The following CHODL variants were observed in gnomAD, a reference collection of about 807,000 sequenced individuals.
The protein encoded by CHODL is transmembrane protein MT75.
Under a neutral mutation model 34.5 loss-of-function variants are expected in CHODL, and 29 were observed. The ratio of observed to expected loss-of-function variants is 0.84; its 90% CI spans 0.63 to 1.15. The LOEUF is 1.15. Ranked by LOEUF, CHODL falls within the 50% of genes most tolerant of loss-of-function variation. The pLI is 0.00. For missense variants in CHODL, 332 were observed against 332.5 expected (o/e 1.00, Z 0.01); for synonymous variants, 125 against 116.1 (o/e 1.08, Z -0.49).
chr21:18,021,146 G>A (rs370300051), intron 1 of CHODL, among the ~76,000 whole-genome samples: 2 of 152,204 alleles, frequency 1.3e-5, no homozygotes, highest in African/African-American at 4.8e-5. Flanking sequence ...CATGGCCTTG[G>A]ATGACATTGG....
At chr21:18,261,042 G>A (rs775484744) in intron 4 of CHODL, among the ~76,000 whole-genome samples, 3 of 152,094 alleles carry the variant, frequency 2.0e-5, no homozygotes, top group Admixed American at 6.6e-5. Context: ...GCAAATTATC[G>A]CTCAGATACC....
chr21:18,243,198 T>G (rs2074098292), upstream of CHODL, among the ~76,000 whole-genome samples: 1 of 152,254 alleles, frequency 6.6e-6, no homozygotes, highest in Non-Finnish European at 1.5e-5. Context: ...TTACAGCATT[T>G]ATACACAGAG....
intron 2 of CHODL, among the ~76,000 whole-genome samples, chr21:18,072,412 C>T (rs2064816593): frequency 6.6e-6 from 1 of 152,108 alleles, no homozygotes; most frequent in Non-Finnish European, 1.5e-5. Flanking sequence ...ATGAAGCCCT[C>T]TCCCATCCCT....
At chr21:18,070,015 TTCCCTTCCCTC>T (rs1286305378) in intron 2 of CHODL, among the ~76,000 whole-genome samples, 26 of 62,216 alleles carry the variant, frequency 4.2e-4, no homozygotes, top group African/African-American at 1.3e-3. Context: ...TTCCCTTCCC[TTCCCTTCCCTC>T]CCCCCCCCCA....
At chr21:18,025,322 T>G (rs2064164333) in intron 1 of CHODL, among the ~76,000 whole-genome samples, 1 of 152,216 alleles carries the variant, frequency 6.6e-6, no homozygotes, top group Admixed American at 6.6e-5. Flanking sequence ...GTATAAAACA[T>G]ATGCATACAT....
intron 2 of CHODL, among the ~76,000 whole-genome samples, chr21:18,056,476 C>CTTTTTT: frequency 7.0e-6 from 1 of 141,992 alleles, no homozygotes; most frequent in African/African-American, 2.5e-5. Flanking sequence ...TATTTTCCTT[C>CTTTTTT]TTTTTTTTTT....
chr21:18,019,424 ATAT>A (rs201035577), intron 1 of CHODL, among the ~76,000 whole-genome samples: 2,851 of 139,716 alleles, frequency 0.02, 49 homozygotes, highest in South Asian at 0.058. Context: ...TAGAGAGATA[ATAT>A]TAAAAATAAT....
chr21:18,131,148 A>T (rs2072649642), intron 2 of CHODL, among the ~76,000 whole-genome samples: 1 of 152,020 alleles, frequency 6.6e-6, no homozygotes, highest in Non-Finnish European at 1.5e-5. Flanking sequence ...AGAGACAGAG[A>T]GAGCAGAGAG....
At chr21:18,002,798 T>G (rs1353296691) in intron 1 of CHODL, among the ~76,000 whole-genome samples, 1 of 152,078 alleles carries the variant, frequency 6.6e-6, no homozygotes, top group Non-Finnish European at 1.5e-5. Flanking sequence ...CTGGTGCTTG[T>G]AGGATGGATA....
chr21:18,224,761 T>C (rs2073915860), intron 2 of CHODL, among the ~76,000 whole-genome samples: 1 of 152,090 alleles, frequency 6.6e-6, no homozygotes, highest in Non-Finnish European at 1.5e-5. Flanking sequence ...GCTGAGAAGG[T>C]AGTAGGGTAT....
intron 2 of CHODL, among the ~76,000 whole-genome samples, chr21:18,074,120 A>C (rs1340508199): frequency 1.3e-5 from 2 of 152,156 alleles, no homozygotes; most frequent in African/African-American, 4.8e-5. Context: ...TTGACATCAT[A>C]ATGGCTGATG....
chr21:18,166,278 A>G (rs534963137), intron 2 of CHODL, among the ~76,000 whole-genome samples: 3 of 152,292 alleles, frequency 2.0e-5, no homozygotes, highest in Admixed American at 2.0e-4. Context: ...CTTCAAATGT[A>G]TCTTCCAGGG....
upstream of CHODL, among the ~76,000 whole-genome samples, chr21:18,243,673 C>T (rs1320172719): frequency 6.6e-6 from 1 of 151,988 alleles, no homozygotes; most frequent in Non-Finnish European, 1.5e-5. Flanking sequence ...CCAGACGGAG[C>T]TAGAATTCTA....
chr21:17,936,960 G>A (rs1481460312), intron 1 of CHODL, among the ~76,000 whole-genome samples: 2 of 151,862 alleles, frequency 1.3e-5, no homozygotes, highest in South Asian at 2.1e-4. Context: ...TGTAATCCCA[G>A]CTACTCAGGA....
intron 2 of CHODL, among the ~76,000 whole-genome samples, chr21:18,232,975 A>G (rs1457648998): frequency 7.1e-6 from 1 of 141,838 alleles, no homozygotes; most frequent in Non-Finnish European, 1.5e-5. Context: ...ATATATATGT[A>G]TATATATGAC....
At chr21:18,014,586 G>T (rs2064053067) in intron 1 of CHODL, among the ~76,000 whole-genome samples, 1 of 152,278 alleles carries the variant, frequency 6.6e-6, no homozygotes, top group East Asian at 1.9e-4. Flanking sequence ...GGGTCATCAG[G>T]GTGGATCCTT....
chr21:17,996,056 G>A (rs2063846162), intron 1 of CHODL, among the ~76,000 whole-genome samples: 1 of 151,942 alleles, frequency 6.6e-6, no homozygotes, highest in African/African-American at 2.4e-5. Context: ...ATCTGATTGA[G>A]TGACTTTTGA....
chr21:17,937,976 T>C (rs2063331162), intron 1 of CHODL, among the ~76,000 whole-genome samples: 1 of 152,254 alleles, frequency 6.6e-6, no homozygotes, highest in South Asian at 2.1e-4. Flanking sequence ...AAACTTTGTA[T>C]AACTTGTGTT....
intron 2 of CHODL, among the ~76,000 whole-genome samples, chr21:18,141,677 G>T (rs1410037613): frequency 6.6e-6 from 1 of 151,506 alleles, no homozygotes; most frequent in Non-Finnish European, 1.5e-5. Context: ...GGCTTCGCAG[G>T]TGTGGTGGCT....
Sources: gnomAD v4.1 joint callset for allele counts (sites outside exome capture counted in the v4.1 genomes callset) on GRCh38, gnomAD v4.1.1 for gene constraint, MANE v1.5 for transcripts, NCBI Gene and HGNC (gene_info 2026-07-23, HGNC 2026-07-21) for gene names.